The following EYS variants were observed in gnomAD, a reference collection of about 807,000 sequenced individuals.
EYS encodes protein eyes shut homolog.
Under a neutral mutation model 282.1 loss-of-function variants are expected in EYS, and 250 were observed. That is an observed-to-expected ratio of 0.89 (90% CI 0.80 to 0.98). The LOEUF (loss-of-function observed/expected upper bound fraction) is 0.98. Among genes scored for constraint, EYS ranks in the 50% least tolerant of loss-of-function variants. EYS has a pLI of 0.00. For synonymous variants in EYS, 1,355 were observed against 1,282.9 expected (o/e 1.06, Z -1.20); for missense variants, 4,016 against 3,709.0 (o/e 1.08, Z -2.15).
intron 26 of EYS, among the ~76,000 whole-genome samples, chr6:64,573,172 GA>G (rs1235735792): frequency 6.6e-6 from 1 of 152,144 alleles, no homozygotes; most frequent in Non-Finnish European, 1.5e-5. Flanking sequence ...AAGCAATGGG[GA>G]AAGGATTCCC....
At chr6:65,523,969 T>C (rs1168128900) in intron 2 of EYS, among the ~76,000 whole-genome samples, 4 of 152,176 alleles carry the variant, frequency 2.6e-5, no homozygotes, top group Non-Finnish European at 4.4e-5. Flanking sequence ...CCTCCTGGGT[T>C]CAAGTGATTC....
chr6:64,282,094 T>C (rs1288251510), intron 30 of EYS, among the ~76,000 whole-genome samples: 2 of 152,138 alleles, frequency 1.3e-5, no homozygotes, highest in Non-Finnish European at 2.9e-5. Context: ...CAAGCACTTC[T>C]GAAAAGCAAC....
chr6:64,180,702 A>G (rs915633606), intron 31 of EYS, among the ~76,000 whole-genome samples: 4 of 152,146 alleles, frequency 2.6e-5, no homozygotes, highest in African/African-American at 7.2e-5. Flanking sequence ...AGTGAACTCT[A>G]CAAGTATTTA....
chr6:64,236,971 C>T (rs371176149), intron 30 of EYS, among the ~76,000 whole-genome samples: 3 of 151,922 alleles, frequency 2.0e-5, no homozygotes, highest in East Asian at 1.9e-4. Flanking sequence ...TTTCTTCTAT[C>T]CCCCAGATCC....
intron 22 of EYS, among the ~76,000 whole-genome samples, chr6:64,792,032 G>A (rs1562194134): frequency 6.6e-6 from 1 of 151,838 alleles, no homozygotes; most frequent in Non-Finnish European, 1.5e-5. Flanking sequence ...CATCATCCTA[G>A]TGCAGGTTCT....
chr6:65,177,702 A>AT (rs992588943), intron 12 of EYS, among the ~76,000 whole-genome samples: 8 of 150,812 alleles, frequency 5.3e-5, no homozygotes, highest in Admixed American at 2.0e-4. Flanking sequence ...CAAATGAACA[A>AT]TTTTTTTTTC....
intron 30 of EYS, among the ~76,000 whole-genome samples, chr6:64,233,166 G>C (rs896217461): frequency 3.3e-5 from 5 of 152,048 alleles, no homozygotes; most frequent in Admixed American, 2.6e-4. Flanking sequence ...TCAATATTTT[G>C]CACATTTCAG....
chr6:65,049,891 C>G (rs150157414), intron 13 of EYS, among the ~76,000 whole-genome samples: 2 of 151,774 alleles, frequency 1.3e-5, no homozygotes, highest in African/African-American at 4.8e-5. Context: ...CGTACATTAA[C>G]TTGTTGATAA....
intron 16 of EYS, among the ~76,000 whole-genome samples, chr6:64,908,375 C>T (rs1031797238): frequency 2.0e-5 from 3 of 152,076 alleles, no homozygotes; most frequent in Admixed American, 1.3e-4. Flanking sequence ...TTTTACAGTG[C>T]TCCTTTAGTT....
chr6:65,689,277 A>T (rs574287510), intron 1 of EYS, among the ~76,000 whole-genome samples: 2 of 150,074 alleles, frequency 1.3e-5, no homozygotes, highest in East Asian at 4.6e-4. Context: ...CGCAAGGACA[A>T]AAAACCAAAC....
At chr6:64,936,996 A>T (rs1351740926) in intron 15 of EYS, among the ~76,000 whole-genome samples, 1 of 151,550 alleles carries the variant, frequency 6.6e-6, no homozygotes, top group African/African-American at 2.4e-5. Flanking sequence ...AGAAATCCTT[A>T]CAAGTTTGTC....
chr6:65,552,253 A>T (rs1056179198), intron 2 of EYS, among the ~76,000 whole-genome samples: 37 of 152,198 alleles, frequency 2.4e-4, no homozygotes, highest in Admixed American at 5.2e-4. Flanking sequence ...TGCTAGCTTT[A>T]TGTTGTCTTT....
At chr6:64,514,681 C>T (rs1777507726) in intron 26 of EYS, among the ~76,000 whole-genome samples, 2 of 151,748 alleles carry the variant, frequency 1.3e-5, no homozygotes, top group Admixed American at 6.6e-5. Flanking sequence ...TTCAGGACTC[C>T]TCCTGTGAGC....
At chr6:63,789,856 G>A (rs1337697473) in intron 37 of EYS, among the ~76,000 whole-genome samples, 2 of 152,102 alleles carry the variant, frequency 1.3e-5, no homozygotes, top group African/African-American at 2.4e-5. Flanking sequence ...AAAGACCCAC[G>A]GGACAAAGGA....
At chr6:64,934,730 A>T (rs1269553556) in intron 15 of EYS, among the ~76,000 whole-genome samples, 1 of 151,974 alleles carries the variant, frequency 6.6e-6, no homozygotes, top group Non-Finnish European at 1.5e-5. Flanking sequence ...GGAAGATTTC[A>T]TAACTAGCAG....
At chr6:65,405,043 C>A (rs573745052) in intron 6 of EYS, 131 bp downstream of exon 6, 3 of 620,356 alleles carry the variant, frequency 4.8e-6, no homozygotes, top group East Asian at 2.9e-5. Context: ...ATAAGTAGAC[C>A]GTTCTTGTTC....
At chr6:64,091,407 A>G (rs968670491) in intron 31 of EYS, among the ~76,000 whole-genome samples, 1 of 152,218 alleles carries the variant, frequency 6.6e-6, no homozygotes, top group Non-Finnish European at 1.5e-5. Context: ...AGAGAAAGCC[A>G]GCAAGGGTCT....
chr6:64,463,141 T>C (rs4112814), intron 26 of EYS, among the ~76,000 whole-genome samples: 47,920 of 151,512 alleles, frequency 0.32, 7,657 homozygotes, highest in East Asian at 0.49. Flanking sequence ...TTACTAGAGA[T>C]GGGGTTTCAC....
chr6:63,774,820 A>T (rs1770024476), intron 40 of EYS, among the ~76,000 whole-genome samples: 1 of 151,994 alleles, frequency 6.6e-6, no homozygotes, highest in Non-Finnish European at 1.5e-5. Context: ...AATTGGCAAA[A>T]ATGTAAAATA....
Sources: gnomAD v4.1 joint callset for allele counts (sites outside exome capture counted in the v4.1 genomes callset) on GRCh38, gnomAD v4.1.1 for gene constraint, MANE v1.5 for transcripts, NCBI Gene and HGNC (gene_info 2026-07-23, HGNC 2026-07-21) for gene names.